Variants in CFAP299 observed in about 807,000 individuals in gnomAD.
CFAP299 encodes the protein cilia and flagella associated protein 299, also known as cilia- and flagella-associated protein 299.
Under a neutral mutation model 27.0 loss-of-function variants are expected in CFAP299, and 21 were observed. The observed-to-expected ratio is 0.78, with a 90% CI of 0.55 to 1.12. The LOEUF (loss-of-function observed/expected upper bound fraction) is 1.12, where lower values mean the gene tolerates loss of function less well. CFAP299 is among the 50% of genes most tolerant of loss of function. The pLI, the probability that CFAP299 is intolerant of heterozygous loss-of-function variation, is 0.00. For synonymous variants in CFAP299, 104 were observed against 98.1 expected (o/e 1.06, Z -0.36); for missense variants, 310 against 276.6 (o/e 1.12, Z -0.86).
intron 2 of CFAP299, among the ~76,000 whole-genome samples, chr4:80,482,516 C>T (rs1730615377): frequency 6.6e-6 from 1 of 151,900 alleles, no homozygotes; most frequent in South Asian, 2.1e-4. Context: ...GTTCAAGTTA[C>T]AGCAATAAAA....
intron 2 of CFAP299, among the ~76,000 whole-genome samples, chr4:80,536,270 A>G (rs1009716766): frequency 1.3e-5 from 2 of 152,180 alleles, no homozygotes; most frequent in Admixed American, 6.5e-5. Context: ...CTGCCTTTCA[A>G]GAAAGTCACT....
chr4:80,495,905 G>T (rs1243261591), intron 2 of CFAP299, among the ~76,000 whole-genome samples: 2 of 152,182 alleles, frequency 1.3e-5, no homozygotes, highest in Non-Finnish European at 2.9e-5. Flanking sequence ...GGCTGGTGCT[G>T]GAACAGCAGC....
At chr4:80,909,878 T>C (rs1260261326) in intron 4 of CFAP299, among the ~76,000 whole-genome samples, 2 of 152,140 alleles carry the variant, frequency 1.3e-5, no homozygotes. Context: ...AATGGTTAAA[T>C]TTAGCCAAAT....
At chr4:80,879,812 C>T (rs1456432228) in intron 4 of CFAP299, among the ~76,000 whole-genome samples, 1 of 152,152 alleles carries the variant, frequency 6.6e-6, no homozygotes, top group African/African-American at 2.4e-5. Flanking sequence ...CTTCTCTAGT[C>T]ATAACACAGA....
chr4:80,643,631 A>G (rs1181750511), intron 3 of CFAP299, among the ~76,000 whole-genome samples: 1 of 152,172 alleles, frequency 6.6e-6, no homozygotes, highest in African/African-American at 2.4e-5. Flanking sequence ...TTGGATATGA[A>G]GACGGGTGAT....
Position 80,944,851 on chromosome 4 carries a change from G to C in CFAP299, c.518G>C (p.Ser173Thr), listed in dbSNP as rs1419548821. Residue 173 changes from serine (S) to threonine (T), a missense_variant, in exon 5 of 6, where the codon AGT becomes ACT. Ser to Thr is a moderately conservative substitution (Grantham distance 58). Transcript: ENST00000358105. The stretch of plus-strand genomic sequence containing the variant: ...GCTGATATTGCTGTTAGTAATTCAA[G>C]TCCCAACTATCAAGTGATTGCCGAT... ...WDADIAVSNS[S>T]PNYQVIADNP... 1 of 1,610,990 alleles carries C rather than the reference G, an allele frequency of 6.2e-7. No individual in the cohort carries two copies. Among genetic ancestry groups the C allele is most frequent in the East Asian group, 2.2e-5 (1 of 44,720 alleles).
intron 2 of CFAP299, among the ~76,000 whole-genome samples, chr4:80,415,648 A>G (rs1211413046): frequency 6.6e-6 from 1 of 152,160 alleles, no homozygotes; most frequent in Non-Finnish European, 1.5e-5. Flanking sequence ...ATTTGTTCCA[A>G]TTATTATAAT....
Position 80,855,560 on chromosome 4 carries a change from C to A in CFAP299, c.334-14433C>A, listed in dbSNP as rs568644023. ...TCACAATGCTATCCCTCCCCTCTCCCCCCAACCCACAACAGTCCCCAGAGT... is the reference window on the plus strand; with the variant it reads ...TCACAATGCTATCCCTCCCCTCTCCACCCAACCCACAACAGTCCCCAGAGT... On this transcript the variant is annotated intron_variant, in intron 3 of 5. Coordinates refer to ENST00000358105, the MANE Select transcript of CFAP299 (RefSeq NM_152770.3). Among the ~76,000 whole-genome samples the A allele has an allele frequency of 2.0e-5, 3 of 152,268 alleles. No individual in the cohort carries two copies. The East Asian group carries it at 5.8e-4, about 29-fold the overall frequency.
chr4:80,961,853 A>G (rs901389797), intron 5 of CFAP299, among the ~76,000 whole-genome samples: 1 of 152,000 alleles, frequency 6.6e-6, no homozygotes, highest in African/African-American at 2.4e-5. Context: ...CTGTCACACA[A>G]GGGGAATAAA....
intron 5 of CFAP299, 120 bp downstream of exon 5, chr4:80,945,059 A>C: frequency 1.1e-6 from 1 of 948,030 alleles, no homozygotes; most frequent in Admixed American, 2.4e-5. Context: ...AAAGGAAATA[A>C]CATTTTGAAA....
intron 2 of CFAP299, among the ~76,000 whole-genome samples, chr4:80,524,324 T>C (rs1353376): frequency 0.33 from 49,808 of 151,676 alleles, 10,053 homozygotes; most frequent in African/African-American, 0.57. Context: ...AAGGGGTTTA[T>C]GTAACTAGCC....
At chr4:80,767,541 G>A (rs1001759355) in intron 3 of CFAP299, among the ~76,000 whole-genome samples, 7 of 152,080 alleles carry the variant, frequency 4.6e-5, no homozygotes, top group African/African-American at 7.2e-5. Flanking sequence ...CCCAGGAGGC[G>A]GAGCTTGCAG....
At chr4:80,519,398 A>G (rs35296375) in intron 2 of CFAP299, among the ~76,000 whole-genome samples, 47,994 of 151,830 alleles carry the variant, frequency 0.32, 8,917 homozygotes, top group African/African-American at 0.51. Flanking sequence ...GTATAGACGG[A>G]GTTTCACCAT....
chr4:80,388,627 G>C (rs1225574470), intron 2 of CFAP299: 3 of 1,390,640 alleles, frequency 2.2e-6, no homozygotes, highest in African/African-American at 2.9e-5. Context: ...TGGGATCAGG[G>C]ACTGCTCCTT....
At chr4:80,347,422 A>G (rs1461384347) in intron 1 of CFAP299, among the ~76,000 whole-genome samples, 1 of 151,952 alleles carries the variant, frequency 6.6e-6, no homozygotes, top group Non-Finnish European at 1.5e-5. Flanking sequence ...CTGATATGCA[A>G]CTTCAGCAAA....
At position 80,537,497 on chromosome 4, in the gene CFAP299, A is replaced by C. The variant is rs368804217; in HGVS notation, c.243-45596A>C. ...TGGTGTATACATACAACAGATTACTATTCAGCCTTAAGAAAAGAAAATCCT... is the reference window on the plus strand; with the variant it reads ...TGGTGTATACATACAACAGATTACTCTTCAGCCTTAAGAAAAGAAAATCCT... On this transcript the variant is annotated intron_variant, in intron 2 of 5. Transcript: ENST00000358105. 2.0e-5 allele frequency among the ~76,000 whole-genome samples: 3 copies of C among 152,192 alleles called. No homozygotes were observed. In the East Asian group the frequency reaches 5.8e-4, roughly 29 times the overall value.
intron 3 of CFAP299, among the ~76,000 whole-genome samples, chr4:80,809,806 A>T (rs1578146335): frequency 6.6e-6 from 1 of 152,056 alleles, no homozygotes. Context: ...TTCTAGCTGT[A>T]TCCCTTCCTA....
intron 3 of CFAP299, among the ~76,000 whole-genome samples, chr4:80,825,152 G>T (rs1729917036): frequency 1.3e-5 from 2 of 151,574 alleles, no homozygotes; most frequent in African/African-American, 4.8e-5. Context: ...GAGCCTAAAA[G>T]GCAAATTTCA....
At chr4:80,907,638 A>G (rs1735250673) in intron 4 of CFAP299, among the ~76,000 whole-genome samples, 1 of 152,170 alleles carries the variant, frequency 6.6e-6, no homozygotes, top group Non-Finnish European at 1.5e-5. Flanking sequence ...TGAAGGAGGA[A>G]AAGCCCTTTA....
Sources: gnomAD v4.1 joint callset for allele counts (sites outside exome capture counted in the v4.1 genomes callset) on GRCh38, gnomAD v4.1.1 for gene constraint, MANE v1.5 for transcripts, NCBI Gene and HGNC (gene_info 2026-07-23, HGNC 2026-07-21) for gene names.